Variants in FOXP2 observed in about 807,000 individuals in gnomAD.
The protein encoded by FOXP2 is forkhead box protein P2.
In FOXP2, 12 loss-of-function variants were observed where a neutral mutation model predicts 115.8. The ratio of observed to expected loss-of-function variants is 0.10; its 90% CI spans 0.07 to 0.17. The LOEUF (loss-of-function observed/expected upper bound fraction) is 0.17. FOXP2 is among the 10% of genes least tolerant of loss of function. The pLI is 1.00. For missense variants in FOXP2, 629 were observed against 843.5 expected (o/e 0.75, Z 3.15); for synonymous variants, 328 against 297.7 (o/e 1.10, Z -1.05).
chr7:114,620,329 A>G (rs771736260), intron 3 of FOXP2, among the ~76,000 whole-genome samples: 4 of 152,082 alleles, frequency 2.6e-5, no homozygotes, highest in African/African-American at 9.7e-5. Context: ...TACACATGCA[A>G]TCTGATTATT....
chr7:114,654,073 A>G lies in FOXP2; in HGVS notation c.1266+64A>G, dbSNP rs540491621. 4.8e-5 allele frequency: 78 copies of G among 1,611,208 alleles called. No individual in the cohort carries two copies. The African/African-American group carries it at 1.0e-3, about 21-fold the overall frequency. Reference sequence around the variant, plus strand: ...CCAATGTAACAGACTAAGAAAATGAACAATTTAGTGACAGTTAGAAAACAA... The same window carrying G: ...CCAATGTAACAGACTAAGAAAATGAGCAATTTAGTGACAGTTAGAAAACAA... On this transcript the variant is annotated intron_variant, in intron 10 of 16. Coordinates refer to ENST00000350908, the MANE Select transcript of FOXP2 (RefSeq NM_014491.4).
At chr7:114,469,994 G>T (rs766759204) in intron 2 of FOXP2, among the ~76,000 whole-genome samples, 5 of 152,126 alleles carry the variant, frequency 3.3e-5, no homozygotes, top group Admixed American at 6.5e-5. Flanking sequence ...ATTTACTGTA[G>T]ATAGTCCTTA....
intron 1 of FOXP2, among the ~76,000 whole-genome samples, chr7:114,095,538 A>G (rs1414464645): frequency 6.6e-6 from 1 of 151,766 alleles, no homozygotes; most frequent in Non-Finnish European, 1.5e-5. Context: ...CCCTCCCCTT[A>G]TTTAGACATA....
chr7:114,299,498 T>TA (rs1796826985), intron 2 of FOXP2, among the ~76,000 whole-genome samples: 1 of 151,860 alleles, frequency 6.6e-6, no homozygotes, highest in South Asian at 2.1e-4. Context: ...TATATTTTTT[T>TA]ATTAATTTAA....
intron 1 of FOXP2, among the ~76,000 whole-genome samples, chr7:114,155,092 T>C (rs1173322243): frequency 6.6e-6 from 1 of 152,156 alleles, no homozygotes; most frequent in Non-Finnish European, 1.5e-5. Context: ...GAAAATGACT[T>C]AGTACTCCTG....
chr7:114,214,409 G>T (rs937363830), intron 1 of FOXP2, among the ~76,000 whole-genome samples: 1 of 152,090 alleles, frequency 6.6e-6, no homozygotes, highest in Non-Finnish European at 1.5e-5. Flanking sequence ...TCATGAATTT[G>T]GCAAACCAAA....
upstream of FOXP2, among the ~76,000 whole-genome samples, chr7:114,411,479 T>C (rs1037363702): frequency 2.0e-5 from 3 of 152,072 alleles, no homozygotes; most frequent in Non-Finnish European, 4.4e-5. Context: ...GACTTGACCA[T>C]TTTTGAATAA....
chr7:114,148,753 T>C (rs1259101985), intron 1 of FOXP2, among the ~76,000 whole-genome samples: 1 of 152,188 alleles, frequency 6.6e-6, no homozygotes, highest in African/African-American at 2.4e-5. Flanking sequence ...TCATTTTCAA[T>C]TTTCCCTCTT....
chr7:114,148,914 C>A (rs550100633), intron 1 of FOXP2, among the ~76,000 whole-genome samples: 1 of 152,208 alleles, frequency 6.6e-6, no homozygotes, highest in East Asian at 1.9e-4. Flanking sequence ...ATCCATATGC[C>A]TGTAGTTTCT....
intron 2 of FOXP2, among the ~76,000 whole-genome samples, chr7:114,372,272 A>C (rs1792031508): frequency 6.6e-6 from 1 of 152,216 alleles, no homozygotes; most frequent in Admixed American, 6.5e-5. Context: ...AAACTGTTTG[A>C]AAGCATTAAC....
chr7:114,315,673 G>A (rs139943646), intron 2 of FOXP2, among the ~76,000 whole-genome samples: 60 of 151,744 alleles, frequency 4.0e-4, no homozygotes, highest in East Asian at 2.1e-3. Flanking sequence ...GTTACTTGCC[G>A]TAATTATGTT....
chr7:114,160,695 A>G (rs1032542552), upstream of FOXP2, among the ~76,000 whole-genome samples: 4 of 152,054 alleles, frequency 2.6e-5, no homozygotes, highest in African/African-American at 7.2e-5. Flanking sequence ...CACATTATAT[A>G]CTATAATTAT....
At position 114,587,451 on chromosome 7, in the gene FOXP2, T is replaced by A. The variant is rs189177760; in HGVS notation, c.259-41089T>A. On this transcript the variant is annotated intron_variant, in intron 3 of 16. Transcript: ENST00000350908. ...CAGGACATGAACTCATTCTTTTTTA[T>A]GGCTGCATAGTAACCCATTGTGTGT... Among the ~76,000 whole-genome samples, 226 of 152,304 alleles carry A rather than the reference T, an allele frequency of 1.5e-3. 1 individual carries two copies. Among genetic ancestry groups the A allele is most frequent in the African/African-American group, 5.0e-3 (209 of 41,582 alleles).
intron 1 of FOXP2, among the ~76,000 whole-genome samples, chr7:114,265,337 C>A (rs1313757143): frequency 6.6e-6 from 1 of 152,134 alleles, no homozygotes; most frequent in African/African-American, 2.4e-5. Flanking sequence ...TGAAACCCAG[C>A]AGGGCAGTCA....
intron 16 of FOXP2, 61 bp downstream of exon 16, chr7:114,664,497 T>C: frequency 1.3e-6 from 2 of 1,599,178 alleles, no homozygotes; most frequent in South Asian, 1.1e-5. Context: ...TTCTTAAATT[T>C]AGAATTTTTC....
intron 2 of FOXP2, among the ~76,000 whole-genome samples, chr7:114,478,057 C>T (rs2396752): frequency 0.93 from 141,885 of 151,886 alleles, 66,377 homozygotes; most frequent in East Asian, 1. Context: ...TTATGAGGTA[C>T]TATAGTTGGC....
At chr7:114,296,921 C>A (rs937172079) in intron 2 of FOXP2, among the ~76,000 whole-genome samples, 1 of 152,054 alleles carries the variant, frequency 6.6e-6, no homozygotes. Context: ...GTAGTTTCTC[C>A]AAATTTAAGA....
chr7:114,089,761 G>A (rs1270943146), intron 1 of FOXP2, among the ~76,000 whole-genome samples: 6 of 151,928 alleles, frequency 3.9e-5, no homozygotes, highest in African/African-American at 1.4e-4. Flanking sequence ...AACATTATAT[G>A]TACAGGTAAT....
chr7:114,423,286 C>A (rs975374494), intron 1 of FOXP2, among the ~76,000 whole-genome samples: 1 of 151,614 alleles, frequency 6.6e-6, no homozygotes, highest in African/African-American at 2.4e-5. Flanking sequence ...AAAATGCAAT[C>A]TTGTGCAGTC....
Sources: gnomAD v4.1 joint callset for allele counts (sites outside exome capture counted in the v4.1 genomes callset) on GRCh38, gnomAD v4.1.1 for gene constraint, MANE v1.5 for transcripts, NCBI Gene and HGNC (gene_info 2026-07-23, HGNC 2026-07-21) for gene names.